DLEU7: variants seen among roughly 807,000 people sequenced by gnomAD.
DLEU7 encodes the protein deleted in lymphocytic leukemia 7, also known as leukemia-associated protein 7.
In DLEU7, 17 loss-of-function variants were observed where a neutral mutation model predicts 16.0. The ratio of observed to expected loss-of-function variants is 1.06; its 90% CI spans 0.73 to 1.59. The LOEUF (loss-of-function observed/expected upper bound fraction) is 1.59, where lower values mean the gene tolerates loss of function less well. Among genes scored for constraint, DLEU7 ranks in the 40% most tolerant of loss-of-function variants. DLEU7 has a pLI of 0.00. For missense variants in DLEU7, 308 were observed against 314.9 expected (o/e 0.98, Z 0.17); for synonymous variants, 113 against 139.8 (o/e 0.81, Z 1.35).
intron 1 of DLEU7, among the ~76,000 whole-genome samples, chr13:50,722,349 G>A (rs903159930): frequency 6.6e-6 from 1 of 152,182 alleles, no homozygotes; most frequent in Non-Finnish European, 1.5e-5. Context: ...CACTAAGATA[G>A]CCATAAACTT....
Position 50,764,892 on chromosome 13 carries a change from G to GTTTTGTTTTC in DLEU7, c.460-51653_460-51652insGAAAACAAAA, listed in dbSNP as rs71693659. The stretch of plus-strand genomic sequence containing the variant: ...TTTTGGGTTTGTTTTGTTTTGTTTT[G>GTTTTGTTTTC]TTTTGTTTGAGACAGAGTCTCACTC... On this transcript the variant is annotated intron_variant, in intron 1 of 1. Transcript: ENST00000400393. 9.2e-3 allele frequency among the ~76,000 whole-genome samples: 1,401 copies of GTTTTGTTTTC among 152,010 alleles called. 19 individuals are homozygous for GTTTTGTTTTC. Among genetic ancestry groups the GTTTTGTTTTC allele is most frequent in the African/African-American group, 0.031 (1,284 of 41,444 alleles).
chr13:50,791,999 A>AT (rs1875972771), intron 1 of DLEU7, among the ~76,000 whole-genome samples: 2 of 152,070 alleles, frequency 1.3e-5, no homozygotes, highest in African/African-American at 2.4e-5. Context: ...AATCTCTTAC[A>AT]TTTTTTTAGG....
intron 1 of DLEU7, among the ~76,000 whole-genome samples, chr13:50,765,128 C>A (rs1051233521): frequency 1.3e-5 from 2 of 152,264 alleles, no homozygotes; most frequent in East Asian, 3.9e-4. Flanking sequence ...GGTGATCCAC[C>A]TATCTCAGCC....
chr13:50,781,691 G>A (rs1292215438), intron 1 of DLEU7, among the ~76,000 whole-genome samples: 2 of 152,098 alleles, frequency 1.3e-5, no homozygotes, highest in East Asian at 1.9e-4. Context: ...GACCACGCCT[G>A]TCTTTGCCGG....
At chr13:50,753,360 C>T (rs1207801068) in intron 1 of DLEU7, among the ~76,000 whole-genome samples, 16 of 152,180 alleles carry the variant, frequency 1.1e-4, no homozygotes, top group African/African-American at 2.7e-4. Flanking sequence ...GAGCAGGGGG[C>T]GGCGCTCGTT....
At chr13:50,749,091 T>A (rs1177601716) in intron 1 of DLEU7, among the ~76,000 whole-genome samples, 3 of 142,720 alleles carry the variant, frequency 2.1e-5, no homozygotes, top group Admixed American at 2.1e-4. Context: ...TTCTTATACC[T>A]TTGTGTCCTC....
chr13:50,804,193 T>C (rs1876326723), intron 1 of DLEU7, among the ~76,000 whole-genome samples: 1 of 152,090 alleles, frequency 6.6e-6, no homozygotes, highest in Non-Finnish European at 1.5e-5. Flanking sequence ...TTCCTGGTTA[T>C]TCCTGCTTGT....
chr13:50,719,062 C>G (rs890826163), intron 1 of DLEU7, among the ~76,000 whole-genome samples: 1 of 152,178 alleles, frequency 6.6e-6, no homozygotes, highest in African/African-American at 2.4e-5. Context: ...ACTGGAGAAA[C>G]AGTAGACATC....
chr13:50,777,445 C>A (rs1038841790), intron 1 of DLEU7, among the ~76,000 whole-genome samples: 1 of 152,194 alleles, frequency 6.6e-6, no homozygotes, highest in South Asian at 2.1e-4. Context: ...ATGCTTCCTG[C>A]CCTTGAACAT....
At chr13:50,723,784 A>G (rs941381011) in intron 1 of DLEU7, among the ~76,000 whole-genome samples, 6 of 151,988 alleles carry the variant, frequency 3.9e-5, no homozygotes, top group Admixed American at 3.9e-4. Context: ...GCTTCCACCT[A>G]TGAATCTTTC....
At chr13:50,787,712 T>C (rs1593395600) in intron 1 of DLEU7, among the ~76,000 whole-genome samples, 5 of 142,506 alleles carry the variant, frequency 3.5e-5, no homozygotes, top group Middle Eastern at 3.5e-3. Flanking sequence ...TCCCCTGCCC[T>C]CCCCCCCACC....
intron 1 of DLEU7, among the ~76,000 whole-genome samples, chr13:50,841,973 G>T (rs1877678668): frequency 1.3e-5 from 2 of 151,754 alleles, no homozygotes; most frequent in South Asian, 4.2e-4. Flanking sequence ...AGTGTCTGGA[G>T]ACATTTTTGG....
At chr13:50,808,614 A>G (rs1876468012) in intron 1 of DLEU7, 1 of 152,150 alleles carries the variant, frequency 6.6e-6, no homozygotes, top group African/African-American at 2.4e-5. Flanking sequence ...AGATCCTCCA[A>G]CTATGAAGTT....
intron 1 of DLEU7, among the ~76,000 whole-genome samples, chr13:50,838,207 A>T (rs1484048585): frequency 6.6e-6 from 1 of 152,220 alleles, no homozygotes; most frequent in Non-Finnish European, 1.5e-5. Context: ...ACAGAATGAG[A>T]AAACCAGCAA....
intron 1 of DLEU7, among the ~76,000 whole-genome samples, chr13:50,727,106 T>C (rs1193668354): frequency 1.3e-5 from 2 of 152,174 alleles, no homozygotes; most frequent in African/African-American, 4.8e-5. Flanking sequence ...TACAAAATCA[T>C]TGCTATGCTA....
downstream of DLEU7, among the ~76,000 whole-genome samples, chr13:50,821,076 G>A (rs1347579847): frequency 6.6e-6 from 1 of 152,080 alleles, no homozygotes; most frequent in African/African-American, 2.4e-5. Flanking sequence ...AGGGCTAATG[G>A]AGAATGCCAA....
chr13:50,778,942 T>C (rs1875577570), intron 1 of DLEU7, among the ~76,000 whole-genome samples: 1 of 152,360 alleles, frequency 6.6e-6, no homozygotes, highest in South Asian at 2.1e-4. Flanking sequence ...AATGATTCCA[T>C]GTATAAATCT....
At chr13:50,786,220 G>T (rs1041443115) in intron 1 of DLEU7, among the ~76,000 whole-genome samples, 6 of 152,086 alleles carry the variant, frequency 3.9e-5, no homozygotes. Context: ...TACCCATTCT[G>T]GTTTCTCTCT....
At chr13:50,775,306 CT>C (rs1486813108) in intron 1 of DLEU7, among the ~76,000 whole-genome samples, 1 of 151,908 alleles carries the variant, frequency 6.6e-6, no homozygotes, top group Non-Finnish European at 1.5e-5. Context: ...TGGTTTTAGG[CT>C]GTTAGAATGG....
Sources: gnomAD v4.1 joint callset for allele counts (sites outside exome capture counted in the v4.1 genomes callset) on GRCh38, gnomAD v4.1.1 for gene constraint, MANE v1.5 for transcripts, NCBI Gene and HGNC (gene_info 2026-07-23, HGNC 2026-07-21) for gene names.